The following FOXK1 variants were observed in gnomAD, a reference collection of about 807,000 sequenced individuals.
FOXK1 encodes forkhead box protein K1.
Under a neutral mutation model 51.9 loss-of-function variants are expected in FOXK1, and 19 were observed. The ratio of observed to expected loss-of-function variants is 0.37; its 90% CI spans 0.26 to 0.54. The LOEUF is 0.54. Among genes scored for constraint, FOXK1 ranks in the 20% least tolerant of loss-of-function variants. The pLI, the probability that FOXK1 is intolerant of heterozygous loss-of-function variation, is 0.87. For synonymous variants in FOXK1, 537 were observed against 482.6 expected (o/e 1.11, Z -1.48); for missense variants, 870 against 1,032.7 (o/e 0.84, Z 2.16).
Position 4,733,179 on chromosome 7 carries a change from C to CTT in FOXK1, c.561-7649_561-7648dup, listed in dbSNP as rs112591823. ...GTTTGTTTCTTTTATACGTGACGGTCTTTTTTTTTTTAATTTTATTATTTT... is the reference window on the plus strand; with the variant it reads ...GTTTGTTTCTTTTATACGTGACGGTCTTTTTTTTTTTTTAATTTTATTATTTT... On this transcript the variant is annotated intron_variant, in intron 1 of 8. Transcript: ENST00000328914. This position sits in a 1 kb window ranked among gnomAD's most constrained non-coding sequence, Gnocchi z 5.0. Among the ~76,000 whole-genome samples, 4 of 147,328 alleles carry CTT rather than the reference C, an allele frequency of 2.7e-5. No individual in the cohort carries two copies. Among genetic ancestry groups the CTT allele is most frequent in the African/African-American group, 9.9e-5 (4 of 40,324 alleles).
chr7:4,732,537 T>C (rs1003583032), intron 1 of FOXK1, among the ~76,000 whole-genome samples: 1 of 152,156 alleles, frequency 6.6e-6, no homozygotes, highest in Non-Finnish European at 1.5e-5. Context: ...CAAGCGATCG[T>C]CCCACCTCAG....
At chr7:4,696,321 T>G (rs1379682659) in intron 1 of FOXK1, among the ~76,000 whole-genome samples, 2 of 152,112 alleles carry the variant, frequency 1.3e-5, no homozygotes, top group Non-Finnish European at 2.9e-5. Context: ...TCTGTCTAGC[T>G]TGGATTTACT....
In FOXK1 at chr7:4,703,704, A is replaced by G. The variant is rs1022802742; in HGVS notation, c.560+20836A>G. Reference sequence around the variant, plus strand: ...GGGACTGGTGCGCCATGCAATTGACATAGCGCTGCTCGGGCGACCAGGAGG... The same window carrying G: ...GGGACTGGTGCGCCATGCAATTGACGTAGCGCTGCTCGGGCGACCAGGAGG... On this transcript the variant is annotated intron_variant, in intron 1 of 8. Transcript: ENST00000328914. The surrounding 1 kb of genome is among the most constrained non-coding windows in gnomAD (Gnocchi z 5.6). 6.6e-6 allele frequency among the ~76,000 whole-genome samples: 1 copy of G among 152,216 alleles called. No individual in the cohort carries two copies. The highest frequency in any genetic ancestry group is 1.9e-4 in the East Asian group (1 of 5,196).
intron 3 of FOXK1, chr7:4,754,999 T>G (rs1314020908): frequency 3.5e-6 from 2 of 577,878 alleles, no homozygotes; most frequent in Non-Finnish European, 6.1e-6. Context: ...CTGGAAGAGG[T>G]GAGAAATTTC....
At position 4,768,121 on chromosome 7, in the gene FOXK1, C is replaced by CTTTTTTTTTTTTTTT. The variant is rs749703452; in HGVS notation, c.*5672_*5686dup. 1.3e-5 allele frequency: 1 copy of CTTTTTTTTTTTTTTT among 79,170 alleles called. No individual in the cohort carries two copies. Among genetic ancestry groups the CTTTTTTTTTTTTTTT allele is most frequent in the African/African-American group, 6.5e-5 (1 of 15,492 alleles). The allele number at this position is 79,170 out of a possible 1,614,324, so 4.9% of individuals were successfully genotyped here. A position where few individuals can be genotyped will look rare whatever the true frequency, so the allele number is the denominator to read the frequency against. On this transcript the variant is annotated 3_prime_UTR_variant, in exon 9 of 9. Coordinates refer to ENST00000328914, the MANE Select transcript of FOXK1 (RefSeq NM_001037165.2). Reference sequence around the variant, plus strand: ...AAAAACAGACCCATTTCACTGACTTCTTTTTTTTTTTTTTTTTTTTTTTTT... The same window carrying CTTTTTTTTTTTTTTT: ...AAAAACAGACCCATTTCACTGACTTCTTTTTTTTTTTTTTTTTTTTTTTTTTTTTTTTTTTTTTTT...
In FOXK1 at chr7:4,694,828, C is replaced by T. The variant is rs76534343; in HGVS notation, c.560+11960C>T. Among the ~76,000 whole-genome samples, 115 of 152,274 alleles carry T rather than the reference C, an allele frequency of 7.6e-4. 2 individuals carry two copies. In the East Asian group the frequency reaches 0.019, roughly 26 times the overall value. ...CAAACCCAGGAGCCAGAGGAACTGA[C>T]GCCCGGATAAATGCCCAAGCCGCCC... On this transcript the variant is annotated intron_variant, in intron 1 of 8. Coordinates refer to ENST00000328914, the MANE Select transcript of FOXK1 (RefSeq NM_001037165.2).
intron 1 of FOXK1, among the ~76,000 whole-genome samples, chr7:4,688,454 G>A (rs912769722): frequency 6.6e-6 from 1 of 151,518 alleles, no homozygotes; most frequent in African/African-American, 2.4e-5. Context: ...AGGCTGGAGT[G>A]CAGTGGCACT....
intron 1 of FOXK1, among the ~76,000 whole-genome samples, chr7:4,721,962 G>C (rs544578045): frequency 6.6e-6 from 1 of 152,104 alleles, no homozygotes; most frequent in Non-Finnish European, 1.5e-5. Flanking sequence ...TCCCTTTCTC[G>C]TGCAGGAGTA....
chr7:4,710,907 C>G (rs1418252069), intron 1 of FOXK1, among the ~76,000 whole-genome samples: 2 of 152,300 alleles, frequency 1.3e-5, no homozygotes, highest in Admixed American at 6.5e-5. Flanking sequence ...TGTTCCTTCT[C>G]CTCGTCTGTG....
At chr7:4,689,821 C>T (rs78620593) in intron 1 of FOXK1, among the ~76,000 whole-genome samples, 1 of 151,994 alleles carries the variant, frequency 6.6e-6, no homozygotes, top group East Asian at 1.9e-4. Flanking sequence ...TTCCTCTTCT[C>T]CTGGGGTTTT....
In FOXK1 at chr7:4,755,433, T is replaced by C; in HGVS notation, c.1050+50T>C. ...ATCGCCTCTGAAGGCCCTTAGAACA[T>C]GGAACTCACAGGCATATTGCTTCCC... is the stretch of plus-strand genomic sequence containing the variant. On this transcript the variant is annotated intron_variant, in intron 4 of 8. Coordinates refer to ENST00000328914, the MANE Select transcript of FOXK1 (RefSeq NM_001037165.2). The surrounding 1 kb of genome is among the most constrained non-coding windows in gnomAD (Gnocchi z 6.6). The C allele has an allele frequency of 1.3e-6, 2 of 1,599,460 alleles. No homozygotes were observed. Among genetic ancestry groups the C allele is most frequent in the South Asian group, 1.1e-5 (1 of 90,386 alleles).
chr7:4,715,591 G>A lies in FOXK1; in HGVS notation c.561-25247G>A, dbSNP rs1374359915. On this transcript the variant is annotated intron_variant, in intron 1 of 8. Coordinates refer to ENST00000328914, the MANE Select transcript of FOXK1 (RefSeq NM_001037165.2). The surrounding 1 kb of genome is among the most constrained non-coding windows in gnomAD (Gnocchi z 4.5). ...TTAGAATGAATGAATAGGATATTTT[G>A]AAATGCTCTGGTGTTGTGAAATACG... is the stretch of plus-strand genomic sequence containing the variant. Among the ~76,000 whole-genome samples, 1 of 152,224 alleles carries A rather than the reference G, an allele frequency of 6.6e-6. No homozygotes were observed. The highest frequency in any genetic ancestry group is 1.5e-5 in the Non-Finnish European group (1 of 68,046).
At chr7:4,704,849 T>TTTTTTTTTTTTTGG (rs1780063546) in intron 1 of FOXK1, among the ~76,000 whole-genome samples, 1 of 150,390 alleles carries the variant, frequency 6.6e-6, no homozygotes, top group African/African-American at 2.5e-5. Context: ...TTTTTTTTTT[T>TTTTTTTTTTTTTGG]GAGAAAAAGT....
At chr7:4,732,850 C>G (rs1312816562) in intron 1 of FOXK1, among the ~76,000 whole-genome samples, 4 of 152,228 alleles carry the variant, frequency 2.6e-5, no homozygotes, top group African/African-American at 7.2e-5. Flanking sequence ...ACGCCCCTTA[C>G]ACGTGTGCCT....
chr7:4,702,302 C>T (rs368374329), intron 1 of FOXK1, among the ~76,000 whole-genome samples: 33 of 152,156 alleles, frequency 2.2e-4, no homozygotes, highest in African/African-American at 7.0e-4. Context: ...CACATACACA[C>T]GTAGACATCT....
In FOXK1 at chr7:4,734,023, C is replaced by T. The variant is rs953363382; in HGVS notation, c.561-6815C>T. Among the ~76,000 whole-genome samples, 6 of 149,990 alleles carry T rather than the reference C, an allele frequency of 4.0e-5. No homozygotes were observed. Among genetic ancestry groups the T allele is most frequent in the African/African-American group, 1.5e-4 (6 of 39,348 alleles). On this transcript the variant is annotated intron_variant, in intron 1 of 8. Transcript: ENST00000328914. This position sits in a 1 kb window ranked among gnomAD's most constrained non-coding sequence, Gnocchi z 5.2. ...GTGCCGTGGGTGAAGCTTCACCTGG[C>T]GCAGGGAAGGCCATCAGACTTCCAG...
At chr7:4,684,236 T>G (rs1191300352) in intron 1 of FOXK1, among the ~76,000 whole-genome samples, 1 of 152,228 alleles carries the variant, frequency 6.6e-6, no homozygotes, top group Non-Finnish European at 1.5e-5. Flanking sequence ...CACCAGTGTT[T>G]ATATTTCTTC....
intron 1 of FOXK1, among the ~76,000 whole-genome samples, chr7:4,696,597 C>T (rs999083216): frequency 1.3e-5 from 2 of 152,184 alleles, no homozygotes; most frequent in South Asian, 2.1e-4. Flanking sequence ...GCGAGTCCCT[C>T]GAGGGCAGGG....
chr7:4,758,869 A>C lies in FOXK1; in HGVS notation c.1245-182A>C. ...GCCTCCCCCATGCAGCCCCCACTCAAATGGAGTTTTAAAGGCTGGGTTCAG... is the reference window on the plus strand; with the variant it reads ...GCCTCCCCCATGCAGCCCCCACTCACATGGAGTTTTAAAGGCTGGGTTCAG... On this transcript the variant is annotated intron_variant, in intron 5 of 8. Transcript: ENST00000328914. This position sits in a 1 kb window ranked among gnomAD's most constrained non-coding sequence, Gnocchi z 4.4. The C allele has an allele frequency of 1.6e-6, 1 of 627,406 alleles. No homozygotes were observed. 38.9% of individuals were successfully genotyped at this position (627,406 alleles called of 1,614,324 possible).
Sources: allele counts gnomAD v4.1 joint callset (sites outside exome capture counted in the v4.1 genomes callset), GRCh38; gene constraint gnomAD v4.1.1; non-coding constraint Gnocchi (gnomAD v3.1); transcripts MANE v1.5; gene names NCBI Gene and HGNC (gene_info 2026-07-23, HGNC 2026-07-21).